RNGTT: variants seen among roughly 807,000 people sequenced by gnomAD.
RNGTT encodes the protein RNA guanylyltransferase and 5'-phosphatase, also known as mRNA-capping enzyme.
Under a neutral mutation model 79.3 loss-of-function variants are expected in RNGTT, and 33 were observed. The ratio of observed to expected loss-of-function variants is 0.42; its 90% CI spans 0.32 to 0.56. The LOEUF (loss-of-function observed/expected upper bound fraction) is 0.56, where lower values mean the gene tolerates loss of function less well. RNGTT is among the 20% of genes least tolerant of loss of function. The pLI is 0.17. For synonymous variants in RNGTT, 222 were observed against 235.9 expected, an observed-to-expected ratio of 0.94 and a Z score of 0.54; for missense variants, 497 against 739.1, an observed-to-expected ratio of 0.67 and a Z score of 3.80.
chr6:88,722,643 T>C (rs6901395), intron 13 of RNGTT, among the ~76,000 whole-genome samples: 80,896 of 152,096 alleles, frequency 0.53, 23,103 homozygotes, highest in African/African-American at 0.75. Flanking sequence ...AACCTTAATA[T>C]TTTGACGGGT....
chr6:88,702,465 C>T (rs1483582770), intron 13 of RNGTT, among the ~76,000 whole-genome samples: 6 of 152,062 alleles, frequency 3.9e-5, no homozygotes, highest in African/African-American at 1.4e-4. Flanking sequence ...GAGGAAAGGA[C>T]TCCCTATTCA....
chr6:88,913,204 CAAAAAAAAACAA>C (rs1384626609), intron 4 of RNGTT, among the ~76,000 whole-genome samples: 34 of 53,440 alleles, frequency 6.4e-4, no homozygotes, highest in African/African-American at 2.3e-3. Context: ...AGCTCTGTCT[CAAAAAAAAACAA>C]AAAAAAAAAA....
chr6:88,795,993 G>C (rs1427669736), intron 12 of RNGTT, among the ~76,000 whole-genome samples: 2 of 152,096 alleles, frequency 1.3e-5, no homozygotes, highest in African/African-American at 4.8e-5. Context: ...CAAGAAATGG[G>C]AAACAATAAA....
intron 4 of RNGTT, among the ~76,000 whole-genome samples, chr6:88,918,027 A>G (rs1433416053): frequency 1.3e-5 from 2 of 152,156 alleles, no homozygotes; most frequent in Non-Finnish European, 2.9e-5. Context: ...CTATTTGATT[A>G]AGAGTGCTAG....
intron 14 of RNGTT, among the ~76,000 whole-genome samples, chr6:88,671,572 T>C (rs1449528589): frequency 1.3e-5 from 2 of 151,874 alleles, no homozygotes; most frequent in African/African-American, 2.4e-5. Flanking sequence ...AAAAATACCA[T>C]CATCATTCTT....
chr6:88,760,012 T>C (rs2127835305), intron 13 of RNGTT, among the ~76,000 whole-genome samples: 1 of 152,262 alleles, frequency 6.6e-6, no homozygotes. Context: ...AAAAATCACA[T>C]AAGCGAAAGG....
intron 12 of RNGTT, among the ~76,000 whole-genome samples, chr6:88,785,789 C>A (rs1449788394): frequency 1.3e-5 from 2 of 152,118 alleles, no homozygotes. Flanking sequence ...ATTTTACAAT[C>A]TATCCATAAC....
chr6:88,775,538 T>A lies in RNGTT; in HGVS notation c.1339-5664A>T, dbSNP rs537449152. On this transcript the variant is annotated intron_variant, in intron 12 of 15. Coordinates refer to ENST00000369485, the MANE Select transcript of RNGTT (RefSeq NM_003800.5). ...TCTGACCTGAGCTTGCTAATTTTTT[T>A]ATATTTCTAACCACAGAAGACGGTA... Among the ~76,000 whole-genome samples, 41 of 152,324 alleles carry A rather than the reference T, an allele frequency of 2.7e-4. 1 individual carries two copies. The highest frequency in any genetic ancestry group is 8.3e-4 in the South Asian group (4 of 4,828).
intron 14 of RNGTT, among the ~76,000 whole-genome samples, chr6:88,641,066 T>A (rs972226613): frequency 1.3e-5 from 2 of 152,028 alleles, no homozygotes; most frequent in African/African-American, 2.4e-5. Context: ...ACCGGCCGGG[T>A]GCGGTGGCTC....
intron 5 of RNGTT, among the ~76,000 whole-genome samples, chr6:88,905,274 A>C (rs1479562382): frequency 6.6e-6 from 1 of 152,178 alleles, no homozygotes; most frequent in Non-Finnish European, 1.5e-5. Flanking sequence ...AACATCAGTC[A>C]AAAAAACAAC....
At position 88,777,933 on chromosome 6, in the gene RNGTT, T is replaced by C. The variant is rs570436488; in HGVS notation, c.1339-8059A>G. Among the ~76,000 whole-genome samples, 12 of 152,342 alleles carry C rather than the reference T, an allele frequency of 7.9e-5. 1 individual carries two copies. The South Asian group carries it at 1.9e-3, about 24-fold the overall frequency. ...AATTGTGATGCTAGCTGTGGCCTTTTCATAAATGGCCTTTGTGTTGAGAAA... is the reference window on the plus strand; with the variant it reads ...AATTGTGATGCTAGCTGTGGCCTTTCCATAAATGGCCTTTGTGTTGAGAAA... On this transcript the variant is annotated intron_variant, in intron 12 of 15. Transcript: ENST00000369485.
chr6:88,855,701 A>C (rs1781822312), intron 8 of RNGTT, among the ~76,000 whole-genome samples: 1 of 152,202 alleles, frequency 6.6e-6, no homozygotes, highest in African/African-American at 2.4e-5. Context: ...GGAAAAATAA[A>C]TTCAGCCTCA....
chr6:88,645,789 C>A (rs1773525817), intron 14 of RNGTT, among the ~76,000 whole-genome samples: 1 of 152,196 alleles, frequency 6.6e-6, no homozygotes, highest in Non-Finnish European at 1.5e-5. Flanking sequence ...GCTGGGAAAA[C>A]TGGCTAGCCA....
chr6:88,863,901 C>T (rs1005887906), intron 8 of RNGTT, among the ~76,000 whole-genome samples: 5 of 152,068 alleles, frequency 3.3e-5, no homozygotes, highest in Non-Finnish European at 7.4e-5. Flanking sequence ...ATCTAGATCC[C>T]TAAAAATCAA....
intron 13 of RNGTT, among the ~76,000 whole-genome samples, chr6:88,683,670 A>AT (rs1775170690): frequency 6.6e-6 from 1 of 152,220 alleles, no homozygotes; most frequent in Admixed American, 6.5e-5. Context: ...CATGTGAAAA[A>AT]TAAGTTTCAT....
intron 4 of RNGTT, among the ~76,000 whole-genome samples, chr6:88,910,729 A>G (rs1476115120): frequency 6.6e-6 from 1 of 152,182 alleles, no homozygotes; most frequent in East Asian, 1.9e-4. Flanking sequence ...AAAATCTTAA[A>G]GACAACTAGA....
At chr6:88,622,631 T>C (rs930950354) in intron 14 of RNGTT, among the ~76,000 whole-genome samples, 2 of 152,200 alleles carry the variant, frequency 1.3e-5, no homozygotes, top group Admixed American at 1.3e-4. Context: ...CTTTGCTAAC[T>C]ACTTCTCTTT....
Position 88,681,409 on chromosome 6 carries a change from T to C in RNGTT, c.1440-2990A>G, listed in dbSNP as rs551630724. ...AAAACACTGTTCTTTCTTATTCATA[T>C]ACTTCTTTCTTATTCATTATCCCTT... On this transcript the variant is annotated intron_variant, in intron 13 of 15. Transcript: ENST00000369485. Among the ~76,000 whole-genome samples the C allele has an allele frequency of 2.4e-4, 36 of 152,308 alleles. No individual in the cohort carries two copies. In the South Asian group the frequency reaches 2.5e-3, roughly 11 times the overall value.
At chr6:88,695,833 T>C (rs1356937135) in intron 13 of RNGTT, among the ~76,000 whole-genome samples, 1 of 152,216 alleles carries the variant, frequency 6.6e-6, no homozygotes, top group African/African-American at 2.4e-5. Context: ...AAGAAAGATA[T>C]TCTGTCATTT....
Sources: allele counts gnomAD v4.1 joint callset (sites outside exome capture counted in the v4.1 genomes callset), GRCh38; gene constraint gnomAD v4.1.1; transcripts MANE v1.5; gene names NCBI Gene and HGNC (gene_info 2026-07-23, HGNC 2026-07-21).